Variants in CPVL observed in about 807,000 individuals in gnomAD.
CPVL encodes carboxypeptidase vitellogenic like, also known as probable serine carboxypeptidase CPVL.
CPVL carries 51 observed loss-of-function variants against 63.7 expected under a neutral mutation model. That is an observed-to-expected ratio of 0.80 (90% CI 0.64 to 1.01). The LOEUF (loss-of-function observed/expected upper bound fraction) is 1.01. Among genes scored for constraint, CPVL ranks in the 50% least tolerant of loss-of-function variants. The pLI is 0.00. For missense variants in CPVL, 530 were observed against 573.1 expected (o/e 0.92, Z 0.77); for synonymous variants, 195 against 206.0 (o/e 0.95, Z 0.46).
rs575605248 is a variant in CPVL at position 29,041,452 on chromosome 7, A to T, written c.1138-10693T>A. Among the ~76,000 whole-genome samples the T allele has an allele frequency of 2.7e-3, 413 of 152,248 alleles. 1 individual carries two copies. Among genetic ancestry groups the T allele is most frequent in the African/African-American group, 9.6e-3 (399 of 41,550 alleles). On this transcript the variant is annotated intron_variant, in intron 11 of 12. Transcript: ENST00000265394. Reference sequence around the variant, plus strand: ...TCCCACAGACAAATCTCTCCAGAGGAGGAATGTACCCCTGCCTGTCAGAAG... The same window carrying T: ...TCCCACAGACAAATCTCTCCAGAGGTGGAATGTACCCCTGCCTGTCAGAAG...
At chr7:29,150,549 G>T (rs80052745), upstream of CPVL, among the ~76,000 whole-genome samples, 316 of 152,308 alleles carry the variant, frequency 2.1e-3, no homozygotes, top group African/African-American at 7.0e-3. Flanking sequence ...AAGACACAGA[G>T]AATAGATCAT....
chr7:29,066,361 C>G (rs560835025), intron 9 of CPVL, among the ~76,000 whole-genome samples: 1 of 152,270 alleles, frequency 6.6e-6, no homozygotes, highest in South Asian at 2.1e-4. Flanking sequence ...TGGGGGACAA[C>G]AAGCATTTCT....
chr7:29,120,576 C>T (rs1057372473), intron 2 of CPVL, among the ~76,000 whole-genome samples: 2 of 152,070 alleles, frequency 1.3e-5, no homozygotes, highest in South Asian at 4.2e-4. Flanking sequence ...GTAATCCCAG[C>T]ACTTTGGGAG....
At chr7:29,023,549 C>G (rs1603911) in intron 12 of CPVL, among the ~76,000 whole-genome samples, 51,401 of 152,056 alleles carry the variant, frequency 0.34, 10,487 homozygotes, top group Non-Finnish European at 0.47. Context: ...TATGAAGGCC[C>G]AAGGATCAGC....
At chr7:29,025,101 T>C (rs1584022360) in intron 12 of CPVL, among the ~76,000 whole-genome samples, 1 of 152,270 alleles carries the variant, frequency 6.6e-6, no homozygotes, top group Non-Finnish European at 1.5e-5. Context: ...ATGGATTAAA[T>C]TCCCCACATA....
At chr7:29,045,927 T>C (rs1789563777) in intron 11 of CPVL, among the ~76,000 whole-genome samples, 1 of 152,152 alleles carries the variant, frequency 6.6e-6, no homozygotes, top group Admixed American at 6.5e-5. Context: ...AATAGAACTC[T>C]AATGACCTGG....
chr7:29,157,836 T>TAA (rs111855752), intron 5 of CPVL, among the ~76,000 whole-genome samples: 2 of 148,862 alleles, frequency 1.3e-5, no homozygotes, highest in Non-Finnish European at 1.5e-5. Flanking sequence ...AGGAGGATGC[T>TAA]AAAAAAAAAA....
intron 11 of CPVL, among the ~76,000 whole-genome samples, chr7:29,055,908 T>C (rs527286083): frequency 3.9e-5 from 6 of 152,328 alleles, no homozygotes; most frequent in Admixed American, 3.3e-4. Context: ...CTTCACAGAG[T>C]CTACTTTACC....
intron 11 of CPVL, among the ~76,000 whole-genome samples, chr7:29,054,656 C>T (rs1478380071): frequency 6.6e-6 from 1 of 152,162 alleles, no homozygotes; most frequent in African/African-American, 2.4e-5. Flanking sequence ...GCATTCATAA[C>T]CTTTATCAGA....
chr7:29,060,164 T>TTA (rs956977438), intron 11 of CPVL, among the ~76,000 whole-genome samples: 34 of 148,904 alleles, frequency 2.3e-4, no homozygotes, highest in African/African-American at 6.4e-4. Context: ...TGGTAATAGC[T>TTA]TATATATATA....
intron 11 of CPVL, among the ~76,000 whole-genome samples, chr7:29,036,129 C>T (rs1788500682): frequency 6.6e-6 from 1 of 152,200 alleles, no homozygotes; most frequent in South Asian, 2.1e-4. Context: ...ATTTCTGTCA[C>T]TGAAACCATG....
intron 12 of CPVL, chr7:29,010,087 A>G (rs932719541): frequency 6.6e-6 from 1 of 152,170 alleles, no homozygotes; most frequent in African/African-American, 2.4e-5. Context: ...AAGCAATTGA[A>G]CTGAAACAAA....
At chr7:29,048,058 C>CA (rs1471565841) in intron 11 of CPVL, among the ~76,000 whole-genome samples, 2 of 152,126 alleles carry the variant, frequency 1.3e-5, no homozygotes, top group Non-Finnish European at 2.9e-5. Context: ...AATCTTGAAA[C>CA]AAATCCTGGA....
chr7:29,184,992 T>G (rs1194237618), intron 3 of CPVL, among the ~76,000 whole-genome samples: 1 of 152,228 alleles, frequency 6.6e-6, no homozygotes, highest in Non-Finnish European at 1.5e-5. Context: ...TAGATGTCTC[T>G]AAGTGCATTT....
At chr7:29,162,560 C>T (rs898466049) in intron 5 of CPVL, among the ~76,000 whole-genome samples, 1 of 150,940 alleles carries the variant, frequency 6.6e-6, no homozygotes, top group Non-Finnish European at 1.5e-5. Context: ...ACTTGGGAGG[C>T]TGAGGCAGGA....
intron 5 of CPVL, among the ~76,000 whole-genome samples, chr7:29,173,927 G>A (rs1447092626): frequency 2.0e-5 from 3 of 151,730 alleles, no homozygotes; most frequent in African/African-American, 7.3e-5. Context: ...ACTCCAGCCT[G>A]GGTGACAGAG....
chr7:29,136,120 G>A (rs1203754939), intron 1 of CPVL, among the ~76,000 whole-genome samples: 3 of 152,326 alleles, frequency 2.0e-5, no homozygotes, highest in Admixed American at 6.5e-5. Flanking sequence ...GCATATTGGA[G>A]CAGTAAGATA....
At chr7:29,050,292 TA>T (rs1790015828) in intron 11 of CPVL, among the ~76,000 whole-genome samples, 1 of 152,046 alleles carries the variant, frequency 6.6e-6, no homozygotes, top group South Asian at 2.1e-4. Flanking sequence ...ACTGATAAAA[TA>T]ATTCGACAAA....
intron 1 of CPVL, among the ~76,000 whole-genome samples, chr7:29,137,753 GC>G (rs1791403443): frequency 6.6e-6 from 1 of 152,142 alleles, no homozygotes. Context: ...TCTTCTTAAC[GC>G]CTATATCACT....
Sources: allele counts gnomAD v4.1 joint callset (sites outside exome capture counted in the v4.1 genomes callset), GRCh38; gene constraint gnomAD v4.1.1; transcripts MANE v1.5; gene names NCBI Gene and HGNC (gene_info 2026-07-23, HGNC 2026-07-21).